Variants in CNOT11 observed in about 807,000 individuals in gnomAD.
CNOT11 encodes the protein UPF0760 protein C2orf29.
A neutral mutation model predicts 44.6 loss-of-function variants in CNOT11; 18 were observed. That is an observed-to-expected ratio of 0.40 (90% CI 0.28 to 0.60). The LOEUF (loss-of-function observed/expected upper bound fraction) is 0.60, where lower values mean the gene tolerates loss of function less well. Ranked by LOEUF, CNOT11 falls within the 20% of genes least tolerant of loss-of-function variation. The pLI is 0.38. For missense variants in CNOT11, 513 were observed against 677.0 expected, an observed-to-expected ratio of 0.76 and a Z score of 2.69; for synonymous variants, 291 against 270.9, an observed-to-expected ratio of 1.07 and a Z score of -0.73.
At position 101,266,710 on chromosome 2, in the gene CNOT11, G is replaced by C; in HGVS notation, c.1069G>C (p.Val357Leu). 6.2e-7 allele frequency: 1 copy of C among 1,614,084 alleles called. No homozygotes were observed. The highest frequency in any genetic ancestry group is 8.5e-7 in the Non-Finnish European group (1 of 1,179,992). Reference protein sequence around the residue: ...LGELEKDPKLVYHIGLTPAKL... With the variant: ...LGELEKDPKLLYHIGLTPAKL... ...TGAGTTGGAAAAAGACCCCAAACTT[G>C]TCTACCATATTGGCCTCACCCCAGC... Residue 357 changes from valine (V) to leucine (L), a missense_variant, in exon 5 of 7, where the codon GTC becomes CTC. By Grantham distance (32) the Val-to-Leu change is conservative. This residue lies in a region of CNOT11 where 140 missense variants were observed against 169.8 expected (regional missense o/e 0.82). Coordinates refer to ENST00000289382, the MANE Select transcript of CNOT11 (RefSeq NM_017546.5).
chr2:101,253,610 C>A lies in CNOT11; in HGVS notation c.514+132C>A. 1.1e-6 allele frequency: 1 copy of A among 911,080 alleles called. No individual in the cohort carries two copies. The highest frequency in any genetic ancestry group is 1.6e-6 in the Non-Finnish European group (1 of 640,148). 56.4% of individuals were successfully genotyped at this position (911,080 alleles called of 1,614,324 possible). A position where few individuals can be genotyped will look rare whatever the true frequency, so the allele number is the denominator to read the frequency against. The stretch of plus-strand genomic sequence containing the variant: ...ATGATCATCCTCTTTTTCCGCCTCT[C>A]TCTGCGTTCCCACGCCCCTCACTCC... On this transcript the variant is annotated intron_variant, in intron 1 of 6. Coordinates refer to ENST00000289382, the MANE Select transcript of CNOT11 (RefSeq NM_017546.5). The surrounding 1 kb of genome is among the most constrained non-coding windows in gnomAD (Gnocchi z 4.3).
At chr2:101,266,600 A>G (rs895843026) in intron 4 of CNOT11, 77 bp from the exon 5 acceptor site, 15 of 1,097,040 alleles carry the variant, frequency 1.4e-5, no homozygotes, top group African/African-American at 3.1e-5. Context: ...TGCTTATTTC[A>G]TATACATGGG....
chr2:101,254,410 A>G (rs1208125494), intron 1 of CNOT11, among the ~76,000 whole-genome samples: 1 of 152,140 alleles, frequency 6.6e-6, no homozygotes, highest in Non-Finnish European at 1.5e-5. Context: ...GTTTCTAGTT[A>G]GTGTTCCTGC....
chr2:101,257,999 T>C, intron 2 of CNOT11, 44 bp downstream of exon 2: 1 of 1,561,072 alleles, frequency 6.4e-7, no homozygotes, highest in Non-Finnish European at 8.7e-7. Flanking sequence ...GTGGTAATAT[T>C]AGGCCTCTCT....
At chr2:101,265,076 TC>T in intron 4 of CNOT11, 29 bp downstream of exon 4, 5 of 1,401,062 alleles carry the variant, frequency 3.6e-6, no homozygotes, top group Non-Finnish European at 4.8e-6. Flanking sequence ...CATTTTCTTA[TC>T]TTTTTTTTTA....
At chr2:101,261,516 G>C (rs546401392) in intron 2 of CNOT11, among the ~76,000 whole-genome samples, 1 of 152,168 alleles carries the variant, frequency 6.6e-6, no homozygotes, top group Non-Finnish European at 1.5e-5. Flanking sequence ...TCTGGGGCGC[G>C]TGTGAAAGTG....
chr2:101,262,262 G>T (rs1335861457), intron 2 of CNOT11, among the ~76,000 whole-genome samples: 4 of 152,150 alleles, frequency 2.6e-5, no homozygotes, highest in African/African-American at 9.7e-5. Context: ...TGTACAGCAG[G>T]TCCTTGAATA....
chr2:101,259,406 A>G (rs1287626619), intron 2 of CNOT11, among the ~76,000 whole-genome samples: 1 of 152,178 alleles, frequency 6.6e-6, no homozygotes, highest in African/African-American at 2.4e-5. Context: ...CTCTTGAAGT[A>G]AACAGTGTGT....
At position 101,253,257 on chromosome 2, in the gene CNOT11, A is replaced by G; in HGVS notation, c.293A>G (p.Lys98Arg). 1.2e-6 allele frequency: 2 copies of G among 1,611,992 alleles called. No individual in the cohort carries two copies. The highest frequency in any genetic ancestry group is 1.7e-6 in the Non-Finnish European group (2 of 1,179,590). Reference sequence around the variant, plus strand: ...ACCGCCTTCCACCACTACTTCAGCAAGGCCGACCACTTCCGCCTGGGCTCG... The same window carrying G: ...ACCGCCTTCCACCACTACTTCAGCAGGGCCGACCACTTCCGCCTGGGCTCG... ...LSTAFHHYFS[K>R]ADHFRLGSVL... The change falls in exon 1 of 7, where the codon AAG becomes AGG. Residue 98 changes from lysine to arginine, a missense_variant. By Grantham distance (26) the Lys-to-Arg change is conservative (BLOSUM62 2). Transcript: ENST00000289382. The surrounding 1 kb of genome is among the most constrained non-coding windows in gnomAD (Gnocchi z 4.3).
Position 101,269,342 on chromosome 2 carries a change from G to A in CNOT11, c.1462G>A (p.Ala488Thr), listed in dbSNP as rs1192711021. Residue 488 changes from alanine to threonine, a missense_variant, in exon 7 of 7, where the codon GCT (alanine) becomes ACT (threonine). This residue lies in a region of CNOT11 where 87 missense variants were observed against 185.4 expected (regional missense o/e 0.47). Transcript: ENST00000289382. The surrounding 1 kb of genome is among the most constrained non-coding windows in gnomAD (Gnocchi z 4.8). Reference sequence around the variant, plus strand: ...TGAATTCAGTAGGATACGAGAAGCTGCTGGTCTTTTCCGGTTGTTGAAGAC... The same window carrying A: ...TGAATTCAGTAGGATACGAGAAGCTACTGGTCTTTTCCGGTTGTTGAAGAC... ...CIEFSRIREA[A>T]GLFRLLKTLD... 1 of 1,614,074 alleles carries A rather than the reference G, an allele frequency of 6.2e-7. No homozygotes were observed. The highest frequency in any genetic ancestry group is 1.3e-5 in the African/African-American group (1 of 75,020).
chr2:101,266,450 A>C (rs556364792), intron 4 of CNOT11, among the ~76,000 whole-genome samples: 2 of 152,328 alleles, frequency 1.3e-5, no homozygotes, highest in East Asian at 1.9e-4. Flanking sequence ...GCATATTTAT[A>C]AACTGTCTTA....
rs550827693 is a variant in CNOT11 at position 101,253,381 on chromosome 2, G to T, written c.417G>T (p.Pro139=). 2.5e-6 allele frequency: 4 copies of T among 1,592,246 alleles called. No homozygotes were observed. In the South Asian group the frequency reaches 3.3e-5, roughly 13 times the overall value. ...YLLWEMYRTE[P]LAANPFAASF... Reference sequence around the variant, plus strand: ...TCTGGGAGATGTACCGCACCGAGCCGCTGGCCGCCAACCCCTTCGCCGCCA... The same window carrying T: ...TCTGGGAGATGTACCGCACCGAGCCTCTGGCCGCCAACCCCTTCGCCGCCA... The change falls in exon 1 of 7, where the codon CCG becomes CCT. Residue 139 remains proline (P), a synonymous_variant. Coordinates refer to ENST00000289382, the MANE Select transcript of CNOT11 (RefSeq NM_017546.5). This position sits in a 1 kb window ranked among gnomAD's most constrained non-coding sequence, Gnocchi z 4.3.
In CNOT11 at chr2:101,269,990, C is replaced by G. The variant is rs540345956; in HGVS notation, c.*577C>G. 1 of 152,436 alleles carries G rather than the reference C, an allele frequency of 6.6e-6. No individual in the cohort carries two copies. Among genetic ancestry groups the G allele is most frequent in the Non-Finnish European group, 1.5e-5 (1 of 68,018 alleles). The allele number at this position is 152,436 out of a possible 1,614,324, so 9.4% of individuals were successfully genotyped here. On this transcript the variant is annotated 3_prime_UTR_variant, in exon 7 of 7. Coordinates refer to ENST00000289382, the MANE Select transcript of CNOT11 (RefSeq NM_017546.5). This position sits in a 1 kb window ranked among gnomAD's most constrained non-coding sequence, Gnocchi z 4.8. ...CTTGTCATGGAGGCTTAATAGACAA[C>G]AGAATAAATGCATTTCTTGGGCCTC... is the stretch of plus-strand genomic sequence containing the variant.
Position 101,262,666 on chromosome 2 carries a change from C to T in CNOT11, c.807C>T (p.Val269=), listed in dbSNP as rs990787272. The T allele has an allele frequency of 6.2e-7, 1 of 1,614,126 alleles. No homozygotes were observed. Among genetic ancestry groups the T allele is most frequent in the African/African-American group, 1.3e-5 (1 of 75,048 alleles). Reference sequence around the variant, plus strand: ...CCTCTCAGATCACAGAAGCTTTAGTCAGCGGACCAAAGCCACCTATTGAAA... The same window carrying T: ...CCTCTCAGATCACAGAAGCTTTAGTTAGCGGACCAAAGCCACCTATTGAAA... ...SVASQITEAL[V]SGPKPPIESH... The change falls in exon 3 of 7, where the codon GTC becomes GTT. Residue 269 remains valine, a synonymous_variant. Transcript: ENST00000289382.
intron 1 of CNOT11, among the ~76,000 whole-genome samples, chr2:101,254,746 A>C (rs977687869): frequency 6.6e-5 from 10 of 152,086 alleles, no homozygotes; most frequent in Admixed American, 3.9e-4. Flanking sequence ...GCAATAAAAA[A>C]TTTGCTGGGC....
At chr2:101,254,001 G>T (rs920182401) in intron 1 of CNOT11, among the ~76,000 whole-genome samples, 4 of 152,168 alleles carry the variant, frequency 2.6e-5, no homozygotes, top group Non-Finnish European at 5.9e-5. Flanking sequence ...ATGATCTCGC[G>T]TTTGGAAACA....
intron 1 of CNOT11, among the ~76,000 whole-genome samples, chr2:101,254,190 C>T (rs972299046): frequency 2.0e-5 from 3 of 152,088 alleles, no homozygotes; most frequent in Non-Finnish European, 4.4e-5. Context: ...AGAAGACTTG[C>T]AGTCAGAAAA....
intron 3 of CNOT11, among the ~76,000 whole-genome samples, chr2:101,264,269 G>T (rs547879533): frequency 1.3e-5 from 2 of 152,128 alleles, no homozygotes; most frequent in Non-Finnish European, 2.9e-5. Flanking sequence ...TACTTCTATT[G>T]TTTTCTGAAA....
chr2:101,265,371 G>A (rs1681959273), intron 4 of CNOT11, among the ~76,000 whole-genome samples: 1 of 152,158 alleles, frequency 6.6e-6, no homozygotes, highest in Non-Finnish European at 1.5e-5. Flanking sequence ...TGGGATTACA[G>A]GTGTGAGCCA....
Sources: allele counts gnomAD v4.1 joint callset (sites outside exome capture counted in the v4.1 genomes callset), GRCh38; gene constraint gnomAD v4.1.1; regional missense constraint gnomAD v4.1.1; non-coding constraint Gnocchi (gnomAD v3.1); transcripts MANE v1.5; gene names NCBI Gene and HGNC (gene_info 2026-07-23, HGNC 2026-07-21).